CYP4F3: variants seen among roughly 807,000 people sequenced by gnomAD.
CYP4F3 encodes the protein cytochrome P450 family 4 subfamily F member 3.
In CYP4F3, 50 loss-of-function variants were observed where a neutral mutation model predicts 54.8. The ratio of observed to expected loss-of-function variants is 0.91; its 90% CI spans 0.73 to 1.16. The LOEUF is 1.16. Among genes scored for constraint, CYP4F3 ranks in the 50% most tolerant of loss-of-function variants. CYP4F3 has a pLI of 0.00. For missense variants in CYP4F3, 715 were observed against 676.2 expected (o/e 1.06, Z -0.64); for synonymous variants, 244 against 262.6 (o/e 0.93, Z 0.69).
intron 3 of CYP4F3, among the ~76,000 whole-genome samples, chr19:15,646,101 G>A (rs1322139463): frequency 6.6e-6 from 1 of 152,128 alleles, no homozygotes; most frequent in African/African-American, 2.4e-5. Flanking sequence ...TCTGCTGTAC[G>A]GCTACGTCTT....
chr19:15,647,594 A>G (rs1972669478), intron 5 of CYP4F3, among the ~76,000 whole-genome samples: 1 of 152,234 alleles, frequency 6.6e-6, no homozygotes, highest in South Asian at 2.1e-4. Context: ...GGTAATGACA[A>G]CAATTGCATA....
chr19:15,642,877 A>G (rs1972505667), intron 2 of CYP4F3, among the ~76,000 whole-genome samples: 1 of 129,464 alleles, frequency 7.7e-6, no homozygotes, highest in African/African-American at 3.1e-5. Context: ...AGATGGATGC[A>G]TGGATAAGAT....
chr19:15,641,357 C>CTCCCTGGGCCCT (rs1972455825), intron 1 of CYP4F3, 58 bp from the exon 2 acceptor site: 4 of 1,596,466 alleles, frequency 2.5e-6, no homozygotes, highest in Non-Finnish European at 3.4e-6. Flanking sequence ...GTCCCTGGAG[C>CTCCCTGGGCCCT]TCCCTGGGCC....
intron 2 of CYP4F3, among the ~76,000 whole-genome samples, chr19:15,641,838 G>T (rs1402955096): frequency 6.6e-6 from 1 of 152,112 alleles, no homozygotes; most frequent in Non-Finnish European, 1.5e-5. Context: ...TCCTTTTCCT[G>T]CCTGTCTTTC....
Position 15,659,305 on chromosome 19 carries a change from C to A in CYP4F3, c.1483C>A (p.His495Asn), listed in dbSNP as rs751693014. Reference sequence around the variant, plus strand: ...GCTGCGCTTCCGCGTCCTGCCTGACCACACCGAGCCCCGCAGGAAGCCGGA... The same window carrying A: ...GCTGCGCTTCCGCGTCCTGCCTGACAACACCGAGCCCCGCAGGAAGCCGGA... ...TLLRFRVLPD[H>N]TEPRRKPELV... The change falls in exon 13 of 13, where the codon CAC (histidine) becomes AAC (asparagine). Residue 495 changes from histidine to asparagine, a missense_variant. By Grantham distance (68) the His-to-Asn change is moderately conservative (BLOSUM62 1). Coordinates refer to ENST00000221307, the MANE Select transcript of CYP4F3 (RefSeq NM_000896.3). The A allele has an allele frequency of 8.1e-6, 13 of 1,613,662 alleles. No homozygotes were observed. In the South Asian group the frequency reaches 1.4e-4, roughly 18 times the overall value.
At position 15,644,827 on chromosome 19, in the gene CYP4F3, C is replaced by G. The variant is rs931922164; in HGVS notation, c.199-892C>G. On this transcript the variant is annotated intron_variant, in intron 2 of 12. Transcript: ENST00000221307. ...GCTGAGCAGGGAAACAGGCAGCATC[C>G]TACAGAGACCATGGCTCTGGCCTCA... Among the ~76,000 whole-genome samples, 3 of 152,220 alleles carry G rather than the reference C, an allele frequency of 2.0e-5. No homozygotes were observed. The East Asian group carries it at 5.8e-4, about 29-fold the overall frequency.
chr19:15,642,374 A>G (rs1972489264), intron 2 of CYP4F3, among the ~76,000 whole-genome samples: 1 of 152,184 alleles, frequency 6.6e-6, no homozygotes, highest in African/African-American at 2.4e-5. Flanking sequence ...GGACAGTTAG[A>G]GTCACCTCTG....
intron 9 of CYP4F3, among the ~76,000 whole-genome samples, chr19:15,655,143 A>C (rs918075571): frequency 1.3e-5 from 2 of 152,166 alleles, no homozygotes; most frequent in African/African-American, 4.8e-5. Flanking sequence ...GCATTTTTCC[A>C]TCTACCTATT....
At chr19:15,642,107 G>T (rs1196594563) in intron 2 of CYP4F3, among the ~76,000 whole-genome samples, 1 of 151,438 alleles carries the variant, frequency 6.6e-6, no homozygotes, top group African/African-American at 2.5e-5. Flanking sequence ...TGTCCCAATG[G>T]GGTCCTGTTG....
intron 5 of CYP4F3, among the ~76,000 whole-genome samples, 159 bp downstream of exon 5, chr19:15,647,483 G>A (rs947852627): frequency 4.6e-5 from 7 of 152,150 alleles, no homozygotes; most frequent in Non-Finnish European, 2.9e-5. Flanking sequence ...CTTAAAAGAA[G>A]GTCAAGGTGA....
At chr19:15,655,026 C>G (rs1426411430) in intron 9 of CYP4F3, among the ~76,000 whole-genome samples, 1 of 152,170 alleles carries the variant, frequency 6.6e-6, no homozygotes, top group African/African-American at 2.4e-5. Flanking sequence ...ATATCCTCAC[C>G]AGCATCTATC....
rs766845413 is a variant in CYP4F3, at chr19:15,658,378, C to A, written c.1230C>A (p.Asp410Glu). 2.5e-6 allele frequency: 4 copies of A among 1,614,040 alleles called. No homozygotes were observed. Among genetic ancestry groups the A allele is most frequent in the Non-Finnish European group, 3.4e-6 (4 of 1,179,962 alleles). ...RCCTQDIVLP[D>E]GRVIPKGIIC... ...GCACCCAAGACATTGTGCTCCCAGA[C>A]GGCCGGGTCATCCCCAAAGGTGCCA... Residue 410 changes from aspartate to glutamate, a missense_variant, in exon 10 of 13, where the codon GAC becomes GAA. By Grantham distance (45) the Asp-to-Glu change is conservative. Coordinates refer to ENST00000221307, the MANE Select transcript of CYP4F3 (RefSeq NM_000896.3).
intron 2 of CYP4F3, chr19:15,644,155 C>G: frequency 7.6e-7 from 1 of 1,317,142 alleles, no homozygotes; most frequent in Non-Finnish European, 1.0e-6. Context: ...CTGGTCTCTC[C>G]TTTCCTTCTC....
chr19:15,656,552 TTG>T, intron 9 of CYP4F3, among the ~76,000 whole-genome samples: 1 of 139,416 alleles, frequency 7.2e-6, no homozygotes, highest in Non-Finnish European at 1.6e-5. Flanking sequence ...GTATCTATCA[TTG>T]ATCTATCTAT....
chr19:15,652,745 GTCC>G (rs1372202567), intron 8 of CYP4F3, 75 bp from the exon 9 acceptor site: 4 of 1,603,146 alleles, frequency 2.5e-6, no homozygotes, highest in Non-Finnish European at 3.4e-6. Flanking sequence ...CCTCCCTGAG[GTCC>G]TCAATGCAAG....
intron 9 of CYP4F3, among the ~76,000 whole-genome samples, chr19:15,656,273 G>T (rs1165825771): frequency 9.1e-6 from 1 of 110,272 alleles, no homozygotes; most frequent in Non-Finnish European, 1.8e-5. Flanking sequence ...GGCTAAATGG[G>T]ATTCCATTGT....
chr19:15,657,723 A>T (rs903404626), intron 9 of CYP4F3, among the ~76,000 whole-genome samples: 2 of 152,220 alleles, frequency 1.3e-5, no homozygotes, highest in Admixed American at 1.3e-4. Context: ...CATTTAAAAA[A>T]AGTAAGAGTG....
rs1308153597 is a variant in CYP4F3, at chr19:15,660,734, T to TTG, written c.*1349_*1350insTG. 1 of 152,066 alleles carries TTG rather than the reference T, an allele frequency of 6.6e-6. No individual in the cohort carries two copies. The highest frequency in any genetic ancestry group is 1.5e-5 in the Non-Finnish European group (1 of 68,384). The allele number at this position is 152,066 out of a possible 1,614,324, so 9.4% of individuals were successfully genotyped here. ...GGGGTGCCTAATTTTTTTTTTTTTT[T>TTG]GAGATGGAGTCTCGCTCTGTTGCCC... is the stretch of plus-strand genomic sequence containing the variant. On this transcript the variant is annotated 3_prime_UTR_variant, in exon 13 of 13. Transcript: ENST00000221307.
At position 15,658,356 on chromosome 19, in the gene CYP4F3, C is replaced by T. The variant is rs1973085073; in HGVS notation, c.1208C>T (p.Thr403Ile). ...GTCCCTGCCGTCTCTCGCTGCTGCACCCAAGACATTGTGCTCCCAGACGGC... is the reference window on the plus strand; with the variant it reads ...GTCCCTGCCGTCTCTCGCTGCTGCATCCAAGACATTGTGCTCCCAGACGGC... ...PPVPAVSRCC[T>I]QDIVLPDGRV... The change falls in exon 10 of 13, where the codon ACC (threonine) becomes ATC (isoleucine). Residue 403 changes from threonine to isoleucine, a missense_variant. Thr to Ile is a moderately conservative substitution (Grantham distance 89). Coordinates refer to ENST00000221307, the MANE Select transcript of CYP4F3 (RefSeq NM_000896.3). 2 of 1,614,038 alleles carry T rather than the reference C, an allele frequency of 1.2e-6. No homozygotes were observed. The highest frequency in any genetic ancestry group is 1.7e-6 in the Non-Finnish European group (2 of 1,180,038).
Sources: allele counts gnomAD v4.1 joint callset (sites outside exome capture counted in the v4.1 genomes callset), GRCh38; gene constraint gnomAD v4.1.1; transcripts MANE v1.5; gene names NCBI Gene and HGNC (gene_info 2026-07-23, HGNC 2026-07-21).